C8orf34: variants seen among roughly 807,000 people sequenced by gnomAD.
The protein encoded by C8orf34 is chromosome 8 open reading frame 34.
In C8orf34, 65 loss-of-function variants were observed where a neutral mutation model predicts 68.3. The ratio of observed to expected loss-of-function variants is 0.95; its 90% confidence interval spans 0.78 to 1.17. C8orf34 has a LOEUF of 1.17. Ranked by LOEUF, C8orf34 falls within the 50% of genes most tolerant of loss-of-function variation. The pLI is 0.00. For synonymous variants in C8orf34, 244 were observed against 241.2 expected (o/e 1.01, Z -0.11); for missense variants, 664 against 655.4 (o/e 1.01, Z -0.14).
chr8:68,513,938 A>T (rs904053727), intron 5 of C8orf34, among the ~76,000 whole-genome samples: 1 of 152,192 alleles, frequency 6.6e-6, no homozygotes, highest in Non-Finnish European at 1.5e-5. Context: ...CAGAAGTCTG[A>T]GGATGAAAAG....
At chr8:68,817,236 A>G (rs1019162728) in intron 13 of C8orf34, among the ~76,000 whole-genome samples, 2 of 152,190 alleles carry the variant, frequency 1.3e-5, no homozygotes, top group African/African-American at 2.4e-5. Context: ...TTATAGAAGC[A>G]TGAGGATAAG....
chr8:68,455,862 G>A (rs1235928279), intron 3 of C8orf34, among the ~76,000 whole-genome samples: 2 of 151,700 alleles, frequency 1.3e-5, no homozygotes, highest in Non-Finnish European at 2.9e-5. Flanking sequence ...TTGTTCATAT[G>A]TTTTAAAGAA....
intron 8 of C8orf34, among the ~76,000 whole-genome samples, chr8:68,643,956 T>A (rs1819090427): frequency 6.6e-6 from 1 of 152,202 alleles, no homozygotes; most frequent in East Asian, 1.9e-4. Context: ...TCCAGTGCAC[T>A]TTGGTCTGTC....
At chr8:68,491,044 A>G (rs1813291692) in intron 5 of C8orf34, among the ~76,000 whole-genome samples, 1 of 152,188 alleles carries the variant, frequency 6.6e-6, no homozygotes, top group Non-Finnish European at 1.5e-5. Context: ...TTGGGGATTC[A>G]CTAAATATAT....
At chr8:68,816,107 T>A (rs561082081) in intron 13 of C8orf34, among the ~76,000 whole-genome samples, 162 bp downstream of exon 13, 2 of 119,678 alleles carry the variant, frequency 1.7e-5, no homozygotes, top group African/African-American at 3.3e-5. Flanking sequence ...TTCCTAAGAG[T>A]GTGTGTGTGT....
chr8:68,342,151 GTATAA>G (rs1554596470), intron 1 of C8orf34, among the ~76,000 whole-genome samples: 5 of 152,096 alleles, frequency 3.3e-5, no homozygotes, highest in Non-Finnish European at 7.4e-5. Flanking sequence ...ATTTCATAGT[GTATAA>G]TATATCAAAA....
intron 2 of C8orf34, among the ~76,000 whole-genome samples, chr8:68,442,166 G>A (rs1810935905): frequency 6.6e-6 from 1 of 152,052 alleles, no homozygotes; most frequent in African/African-American, 2.4e-5. Flanking sequence ...TATGTGGTGA[G>A]GATATTTGCC....
intron 1 of C8orf34, among the ~76,000 whole-genome samples, chr8:68,411,260 C>G (rs886329581): frequency 2.6e-5 from 4 of 152,114 alleles, no homozygotes; most frequent in African/African-American, 9.7e-5. Flanking sequence ...TCATGAACTG[C>G]ATGGTTTCTA....
chr8:68,482,257 C>T lies in C8orf34; in HGVS notation c.737-5766C>T, dbSNP rs192791349. ...CTCCCACCATGATTCTGGGGCCTCC[C>T]CACGTGTGTGGAACTGTAAGTCCAA... On this transcript the variant is annotated intron_variant, in intron 4 of 13. Coordinates refer to ENST00000518698, the MANE Select transcript of C8orf34 (RefSeq NM_052958.4). Among the ~76,000 whole-genome samples the T allele has an allele frequency of 5.2e-3, 798 of 152,196 alleles. 8 individuals carry two copies. The highest frequency in any genetic ancestry group is 0.018 in the African/African-American group (755 of 41,494).
intron 1 of C8orf34, among the ~76,000 whole-genome samples, chr8:68,375,251 T>C (rs1365755738): frequency 6.6e-6 from 1 of 152,226 alleles, no homozygotes; most frequent in Non-Finnish European, 1.5e-5. Context: ...AATGTTTTGA[T>C]TGTGCAGTCC....
At chr8:68,651,624 A>G (rs1819359908) in intron 8 of C8orf34, among the ~76,000 whole-genome samples, 1 of 152,224 alleles carries the variant, frequency 6.6e-6, no homozygotes, top group Admixed American at 6.5e-5. Context: ...GCTGGAGGCT[A>G]TTATTTTAAG....
chr8:68,794,490 T>C (rs866492838), intron 12 of C8orf34, among the ~76,000 whole-genome samples: 1 of 94,936 alleles, frequency 1.1e-5, no homozygotes, highest in Non-Finnish European at 1.9e-5. Flanking sequence ...TAAATATATA[T>C]ATATATATAT....
intron 9 of C8orf34, among the ~76,000 whole-genome samples, chr8:68,711,765 G>A (rs1297472727): frequency 1.3e-5 from 2 of 152,130 alleles, no homozygotes; most frequent in Non-Finnish European, 2.9e-5. Context: ...ACATATTTGA[G>A]GGAATAATCA....
At chr8:68,359,015 A>T (rs139762332) in intron 1 of C8orf34, among the ~76,000 whole-genome samples, 1,675 of 152,188 alleles carry the variant, frequency 0.011, 30 homozygotes, top group African/African-American at 0.029. Context: ...TTTATTTTTT[A>T]AAAAAATTGA....
intron 7 of C8orf34, among the ~76,000 whole-genome samples, chr8:68,631,959 A>G (rs1186114262): frequency 6.6e-6 from 1 of 152,198 alleles, no homozygotes; most frequent in Non-Finnish European, 1.5e-5. Flanking sequence ...AAAAGGGCTA[A>G]TACATAAAAT....
At chr8:68,330,800 C>T, upstream of C8orf34, 1 of 475,856 alleles carries the variant, frequency 2.1e-6, no homozygotes, top group Non-Finnish European at 3.6e-6. Flanking sequence ...CACGGACACA[C>T]ACACACACGC....
At chr8:68,397,729 A>G (rs1013904097) in intron 1 of C8orf34, among the ~76,000 whole-genome samples, 1 of 152,114 alleles carries the variant, frequency 6.6e-6, no homozygotes, top group African/African-American at 2.4e-5. Context: ...GCTGCACTGC[A>G]TGAAAGCCAT....
intron 7 of C8orf34, among the ~76,000 whole-genome samples, chr8:68,566,192 T>A (rs1182553568): frequency 6.6e-6 from 1 of 152,194 alleles, no homozygotes; most frequent in Non-Finnish European, 1.5e-5. Flanking sequence ...TGGGGGTACA[T>A]GTGAAGGTTT....
intron 1 of C8orf34, among the ~76,000 whole-genome samples, chr8:68,333,312 C>T (rs1313893099): frequency 6.6e-6 from 1 of 152,208 alleles, no homozygotes; most frequent in Non-Finnish European, 1.5e-5. Context: ...AAAAAACAAG[C>T]ACCACCATGC....
Sources: gnomAD v4.1 joint callset for allele counts (sites outside exome capture counted in the v4.1 genomes callset) on GRCh38, gnomAD v4.1.1 for gene constraint, MANE v1.5 for transcripts, NCBI Gene and HGNC (gene_info 2026-07-23, HGNC 2026-07-21) for gene names.